SLC36A4: variants seen among roughly 807,000 people sequenced by gnomAD.
SLC36A4 encodes neutral amino acid uniporter 4.
SLC36A4 carries 49 observed loss-of-function variants against 50.5 expected under a neutral mutation model. The ratio of observed to expected loss-of-function variants is 0.97; its 90% CI spans 0.77 to 1.23. The LOEUF is 1.23. Among genes scored for constraint, SLC36A4 ranks in the 50% most tolerant of loss-of-function variants. The pLI is 0.00. For synonymous variants in SLC36A4, 207 were observed against 206.5 expected (o/e 1.00, Z -0.02); for missense variants, 611 against 608.4 (o/e 1.00, Z -0.05).
intron 1 of SLC36A4, among the ~76,000 whole-genome samples, chr11:93,189,007 T>G (rs2134707218): frequency 6.6e-6 from 1 of 152,182 alleles, no homozygotes; most frequent in East Asian, 1.9e-4. Context: ...TTTCCCCTTT[T>G]TATAAGGACA....
At chr11:93,197,596 G>T in intron 1 of SLC36A4, 182 bp downstream of exon 1, 1 of 659,780 alleles carries the variant, frequency 1.5e-6, no homozygotes, top group Non-Finnish European at 2.5e-6. Flanking sequence ...CCTGGGCTTC[G>T]TCTGACCAAG....
Position 93,163,000 on chromosome 11 carries a change from T to A in SLC36A4, c.868-125A>T, listed in dbSNP as rs1246388405. ...AAATTTTTTTCCTTTAAAACACATA[T>A]AATTGTTGAAGTACACTTCCATTGC... On this transcript the variant is annotated intron_variant, in intron 8 of 10. Transcript: ENST00000326402. 5.6e-6 allele frequency: 4 copies of A among 716,322 alleles called. No individual in the cohort carries two copies. In the Admixed American group the frequency reaches 1.3e-4, roughly 23 times the overall value. The allele number at this position is 716,322 out of a possible 1,614,324, so 44.4% of individuals were successfully genotyped here.
At chr11:93,150,978 T>C (rs1200292469) in intron 10 of SLC36A4, among the ~76,000 whole-genome samples, 1 of 152,062 alleles carries the variant, frequency 6.6e-6, no homozygotes, top group African/African-American at 2.4e-5. Context: ...TGTGGGGGAA[T>C]ACTATAGCAC....
chr11:93,154,519 T>C (rs575987605), intron 9 of SLC36A4: 4 of 215,728 alleles, frequency 1.9e-5, no homozygotes, highest in African/African-American at 4.6e-5. Context: ...GTTTAGGGTA[T>C]AGTGGTAAAA....
At chr11:93,166,368 CAAGTT>C (rs1860866205) in intron 7 of SLC36A4, 1 of 1,001,262 alleles carries the variant, frequency 1.0e-6, no homozygotes, top group Non-Finnish European at 1.2e-6. Context: ...GCCATATAGT[CAAGTT>C]ATCAACCACT....
chr11:93,177,665 C>T (rs971539206), intron 6 of SLC36A4, among the ~76,000 whole-genome samples: 1 of 152,162 alleles, frequency 6.6e-6, no homozygotes. Context: ...CTGGGTATCA[C>T]CAGCAAAGGC....
chr11:93,172,899 T>A (rs1433114177), intron 6 of SLC36A4, among the ~76,000 whole-genome samples: 3 of 150,782 alleles, frequency 2.0e-5, no homozygotes, highest in Admixed American at 2.0e-4. Context: ...AATGCTGCAA[T>A]AAACATATGT....
At chr11:93,173,579 GGTCTAAC>G (rs1209307063) in intron 6 of SLC36A4, among the ~76,000 whole-genome samples, 1 of 113,358 alleles carries the variant, frequency 8.8e-6, no homozygotes, top group Non-Finnish European at 1.8e-5. Flanking sequence ...TATGGTTTTA[GGTCTAAC>G]GTTTGAATCT....
At chr11:93,156,330 CA>C (rs1273253914) in intron 9 of SLC36A4, among the ~76,000 whole-genome samples, 3 of 151,964 alleles carry the variant, frequency 2.0e-5, no homozygotes, top group African/African-American at 7.3e-5. Flanking sequence ...CTCTAATGAT[CA>C]GTAATGTTGA....
chr11:93,156,487 T>C (rs1434421320), intron 9 of SLC36A4, among the ~76,000 whole-genome samples: 8 of 151,716 alleles, frequency 5.3e-5, no homozygotes, highest in Admixed American at 5.3e-4. Flanking sequence ...CAGCTCAATC[T>C]TAGCTCACTG....
intron 1 of SLC36A4, among the ~76,000 whole-genome samples, chr11:93,189,398 T>G (rs1166897798): frequency 6.6e-6 from 1 of 151,870 alleles, no homozygotes; most frequent in Non-Finnish European, 1.5e-5. Flanking sequence ...ACCCTATTTC[T>G]AAATAAGGTC....
chr11:93,155,907 C>A (rs1255661143), intron 9 of SLC36A4, among the ~76,000 whole-genome samples: 1 of 152,168 alleles, frequency 6.6e-6, no homozygotes, highest in East Asian at 1.9e-4. Context: ...AACATTATCT[C>A]ATTCTTTTTT....
At chr11:93,180,151 G>A (rs1418042248) in intron 6 of SLC36A4, 3 of 974,922 alleles carry the variant, frequency 3.1e-6, no homozygotes, top group Non-Finnish European at 3.7e-6. Context: ...TTAAAGAAGA[G>A]CAGGGGATAA....
intron 6 of SLC36A4, among the ~76,000 whole-genome samples, chr11:93,169,104 C>T (rs1861015283): frequency 6.6e-6 from 1 of 152,052 alleles, no homozygotes; most frequent in Admixed American, 6.6e-5. Flanking sequence ...TCTGGATACA[C>T]ACACTCTAAA....
intron 1 of SLC36A4, among the ~76,000 whole-genome samples, chr11:93,189,405 G>A (rs925133508): frequency 1.3e-5 from 2 of 151,992 alleles, no homozygotes; most frequent in African/African-American, 4.8e-5. Context: ...TTCTAAATAA[G>A]GTCACATCCT....
In SLC36A4 at chr11:93,159,249, A is replaced by G. The variant is rs1860512197; in HGVS notation, c.1037+3457T>C. 2.0e-5 allele frequency among the ~76,000 whole-genome samples: 3 copies of G among 152,192 alleles called. No homozygotes were observed. The South Asian group carries it at 6.2e-4, about 31-fold the overall frequency. On this transcript the variant is annotated intron_variant, in intron 9 of 10. Coordinates refer to ENST00000326402, the MANE Select transcript of SLC36A4 (RefSeq NM_152313.4). ...TATTTTTCAGCCAATATATTGAATC[A>G]GATTATAGGGAGAAAACAACTTAAT... is the stretch of plus-strand genomic sequence containing the variant.
At chr11:93,185,471 T>TC in intron 2 of SLC36A4, 1 of 357,990 alleles carries the variant, frequency 2.8e-6, no homozygotes. Flanking sequence ...TCTTTCAAGA[T>TC]CCCTAGCATT....
chr11:93,178,285 G>A (rs1312742236), intron 6 of SLC36A4, among the ~76,000 whole-genome samples: 2 of 152,114 alleles, frequency 1.3e-5, no homozygotes, highest in African/African-American at 4.8e-5. Context: ...AATTTTCCAG[G>A]TACCATCTGT....
At chr11:93,164,736 T>C (rs1005948952) in intron 8 of SLC36A4, among the ~76,000 whole-genome samples, 4 of 152,192 alleles carry the variant, frequency 2.6e-5, no homozygotes, top group African/African-American at 9.7e-5. Context: ...CGCAGCATTA[T>C]AGGTGTTTTA....
Sources: allele counts gnomAD v4.1 joint callset (sites outside exome capture counted in the v4.1 genomes callset), GRCh38; gene constraint gnomAD v4.1.1; transcripts MANE v1.5; gene names NCBI Gene and HGNC (gene_info 2026-07-23, HGNC 2026-07-21).